CPA6: variants seen among roughly 807,000 people sequenced by gnomAD.
The protein encoded by CPA6 is carboxypeptidase B.
In CPA6, 58 loss-of-function variants were observed where a neutral mutation model predicts 63.3. The ratio of observed to expected loss-of-function variants is 0.92; its 90% CI spans 0.74 to 1.14. CPA6 has a LOEUF of 1.14. CPA6 is among the 50% of genes most tolerant of loss of function. CPA6 has a pLI of 0.00. For synonymous variants in CPA6, 185 were observed against 179.0 expected (o/e 1.03, Z -0.27); for missense variants, 565 against 526.6 (o/e 1.07, Z -0.71).
intron 2 of CPA6, among the ~76,000 whole-genome samples, chr8:67,577,504 T>C (rs564749897): frequency 3.3e-5 from 5 of 152,184 alleles, no homozygotes; most frequent in Non-Finnish European, 7.3e-5. Flanking sequence ...GATTGAAGAA[T>C]AGGCATCTTT....
intron 10 of CPA6, among the ~76,000 whole-genome samples, chr8:67,426,522 A>G (rs1809889074): frequency 6.6e-6 from 1 of 152,154 alleles, no homozygotes; most frequent in Non-Finnish European, 1.5e-5. Flanking sequence ...ATGGACTTTG[A>G]AAAAATAAAC....
chr8:67,486,275 G>T (rs569547732), intron 6 of CPA6, among the ~76,000 whole-genome samples: 1 of 152,278 alleles, frequency 6.6e-6, no homozygotes, highest in Admixed American at 6.5e-5. Context: ...ACTATGTTTT[G>T]GTCAACAATG....
At chr8:67,472,914 C>T (rs896761739) in intron 8 of CPA6, among the ~76,000 whole-genome samples, 5 of 152,094 alleles carry the variant, frequency 3.3e-5, no homozygotes, top group African/African-American at 1.2e-4. Flanking sequence ...TGTGTATACA[C>T]ACAAAATGAG....
chr8:67,643,804 C>G (rs1188861510), intron 1 of CPA6, among the ~76,000 whole-genome samples: 1 of 151,950 alleles, frequency 6.6e-6, no homozygotes, highest in Non-Finnish European at 1.5e-5. Context: ...GACCTAGTAC[C>G]GGTAGAAAAT....
At chr8:67,552,774 C>CAAAAAAAAAAAAAAAAAAAAAAAAAAAA in intron 2 of CPA6, among the ~76,000 whole-genome samples, 1 of 20,940 alleles carries the variant, frequency 4.8e-5, no homozygotes, top group Non-Finnish European at 8.7e-5. Flanking sequence ...AAGACTGTCT[C>CAAAAAAAAAAAAAAAAAAAAAAAAAAAA]AAAAAAAAAA....
chr8:67,551,371 A>AT (rs1812933633), intron 2 of CPA6, among the ~76,000 whole-genome samples: 1 of 152,096 alleles, frequency 6.6e-6, no homozygotes, highest in Non-Finnish European at 1.5e-5. Context: ...ATTGTATTCC[A>AT]TTGGTCTATG....
intron 1 of CPA6, among the ~76,000 whole-genome samples, chr8:67,717,295 A>C (rs1156705997): frequency 6.6e-6 from 1 of 152,168 alleles, no homozygotes; most frequent in Non-Finnish European, 1.5e-5. Context: ...CAGGGGAGGG[A>C]AGGAAGAGAG....
intron 2 of CPA6, among the ~76,000 whole-genome samples, chr8:67,576,819 G>A (rs1489373722): frequency 6.6e-6 from 1 of 151,964 alleles, no homozygotes; most frequent in East Asian, 1.9e-4. Flanking sequence ...GTGGGTGGAA[G>A]GAACAGGTAG....
At chr8:67,483,889 A>G in intron 7 of CPA6, 31 bp from the exon 8 acceptor site, 1 of 1,530,258 alleles carries the variant, frequency 6.5e-7, no homozygotes, top group Non-Finnish European at 9.1e-7. Flanking sequence ...AGGTGCTGAG[A>G]AAAATACTTA....
intron 8 of CPA6, among the ~76,000 whole-genome samples, chr8:67,457,610 G>T (rs967633747): frequency 6.6e-6 from 1 of 151,776 alleles, no homozygotes; most frequent in Non-Finnish European, 1.5e-5. Flanking sequence ...CTCTAAACTG[G>T]TTCCCCTCAC....
chr8:67,724,411 C>T (rs1817558745), intron 1 of CPA6, among the ~76,000 whole-genome samples: 1 of 152,226 alleles, frequency 6.6e-6, no homozygotes, highest in Non-Finnish European at 1.5e-5. Context: ...CTTACAGCAG[C>T]TCAATGCTTC....
chr8:67,448,639 G>GAAAAAAAAAAAAAAAAAAAAAA (rs61317091), intron 8 of CPA6, among the ~76,000 whole-genome samples: 2 of 23,308 alleles, frequency 8.6e-5, no homozygotes, highest in Non-Finnish European at 1.7e-4. Flanking sequence ...CTCAAAAAAG[G>GAAAAAAAAAAAAAAAAAAAAAA]AAAAAAAAAA....
At chr8:67,425,768 G>A (rs1338708857) in intron 10 of CPA6, among the ~76,000 whole-genome samples, 1 of 152,192 alleles carries the variant, frequency 6.6e-6, no homozygotes, top group Non-Finnish European at 1.5e-5. Context: ...ATAGGCTGTG[G>A]CTTCAGTGTC....
At position 67,509,495 on chromosome 8, in the gene CPA6, C is replaced by T. The variant is rs566159878; in HGVS notation, c.534+22G>A. On this transcript the variant is annotated intron_variant, in intron 5 of 10. Coordinates refer to ENST00000297770, the MANE Select transcript of CPA6 (RefSeq NM_020361.5). Reference sequence around the variant, plus strand: ...ATATTTGGTAAACATTATGTATTTACACAGCAATTGCTTATTTTTACCTTT... The same window carrying T: ...ATATTTGGTAAACATTATGTATTTATACAGCAATTGCTTATTTTTACCTTT... The T allele has an allele frequency of 4.2e-4, 456 of 1,098,318 alleles. 6 individuals carry two copies. In the South Asian group the frequency reaches 6.0e-3, roughly 14 times the overall value. 68.0% of individuals were successfully genotyped at this position (1,098,318 alleles called of 1,614,324 possible). A position where few individuals can be genotyped will look rare whatever the true frequency, so the allele number is the denominator to read the frequency against.
chr8:67,505,798 G>A (rs1222463854), intron 6 of CPA6, among the ~76,000 whole-genome samples: 1 of 152,060 alleles, frequency 6.6e-6, no homozygotes, highest in Non-Finnish European at 1.5e-5. Flanking sequence ...TGTTTTCTAG[G>A]ACCTAGGAGA....
chr8:67,683,918 G>A (rs1732362359), intron 1 of CPA6, among the ~76,000 whole-genome samples: 1 of 150,300 alleles, frequency 6.7e-6, no homozygotes, highest in South Asian at 2.1e-4. Flanking sequence ...TAAGACTTCT[G>A]GGCTTAAGCC....
chr8:67,554,704 G>A (rs1249528458), intron 2 of CPA6, among the ~76,000 whole-genome samples: 6 of 152,156 alleles, frequency 3.9e-5, no homozygotes, highest in Admixed American at 3.3e-4. Flanking sequence ...AGAGCCTGGG[G>A]GCTGTTGGTG....
At chr8:67,475,285 A>C (rs769595000) in intron 8 of CPA6, among the ~76,000 whole-genome samples, 9 of 152,230 alleles carry the variant, frequency 5.9e-5, no homozygotes, top group Non-Finnish European at 1.2e-4. Flanking sequence ...ATGAGGATAA[A>C]AGGCCCTAAA....
At chr8:67,586,005 T>C (rs530804942) in intron 2 of CPA6, among the ~76,000 whole-genome samples, 1 of 152,216 alleles carries the variant, frequency 6.6e-6, no homozygotes, top group East Asian at 1.9e-4. Flanking sequence ...AGGGATGAAG[T>C]GAGTCCATAA....
Sources: gnomAD v4.1 joint callset for allele counts (sites outside exome capture counted in the v4.1 genomes callset) on GRCh38, gnomAD v4.1.1 for gene constraint, MANE v1.5 for transcripts, NCBI Gene and HGNC (gene_info 2026-07-23, HGNC 2026-07-21) for gene names.